The following SPTBN2 variants were observed in gnomAD, a reference collection of about 807,000 sequenced individuals.
SPTBN2 encodes spectrin beta chain, non-erythrocytic 2.
A neutral mutation model predicts 284.2 loss-of-function variants in SPTBN2; 107 were observed. That is an observed-to-expected ratio of 0.38 (90% confidence interval 0.32 to 0.44). The LOEUF is 0.44. SPTBN2 is among the 20% of genes least tolerant of loss of function. The probability of loss-of-function intolerance (pLI) is 1.00; values close to 1 mark genes in which losing one functional copy is unlikely to be tolerated. For synonymous variants in SPTBN2, 1,289 were observed against 1,354.8 expected, an observed-to-expected ratio of 0.95 and a Z score of 1.07; for missense variants, 2,569 against 3,287.1, an observed-to-expected ratio of 0.78 and a Z score of 5.34.
chr11:66,706,797 T>A lies in SPTBN2; in HGVS notation c.1653+719A>T, dbSNP rs1221548225. On this transcript the variant is annotated intron_variant, in intron 13 of 37. Coordinates refer to ENST00000533211, the MANE Select transcript of SPTBN2 (RefSeq NM_006946.4). Reference sequence around the variant, plus strand: ...GGCATGCGCTACCACCGCACCTGGTTAATTTCTGTATTTTTATAGACACGG... The same window carrying A: ...GGCATGCGCTACCACCGCACCTGGTAAATTTCTGTATTTTTATAGACACGG... Among the ~76,000 whole-genome samples the A allele has an allele frequency of 2.0e-5, 3 of 150,242 alleles. No individual in the cohort carries two copies. In the East Asian group the frequency reaches 6.0e-4, roughly 30 times the overall value.
chr11:66,743,417 C>T (rs1317373108), intron 1 of SPTBN2, among the ~76,000 whole-genome samples: 1 of 152,180 alleles, frequency 6.6e-6, no homozygotes, highest in East Asian at 1.9e-4. Flanking sequence ...TCTGTCCAAT[C>T]CTGGCGTCTT....
chr11:66,704,995 C>T lies in SPTBN2; in HGVS notation c.2281G>A (p.Ala761Thr). 6.2e-7 allele frequency: 1 copy of T among 1,606,024 alleles called. No individual in the cohort carries two copies. Among genetic ancestry groups the T allele is most frequent in the Non-Finnish European group, 8.5e-7 (1 of 1,179,834 alleles). The change falls in exon 15 of 38, where the codon GCC (alanine) becomes ACC (threonine). Residue 761 changes from alanine (A) to threonine (T), a missense_variant. Ala to Thr is a moderately conservative substitution (Grantham distance 58, BLOSUM62 0). This residue lies in a region of SPTBN2 where 1,012 missense variants were observed against 1,248.9 expected (regional missense o/e 0.81). Transcript: ENST00000533211. The part of the protein sequence containing the change: ...QFQADANDME[A>T]WLVDALRLVS... ...AGGCGCAGTGCGTCAACCAACCAGG[C>T]CTCCATGTCGTTTGCATCGGCCTGG...
chr11:66,698,771 G>A lies in SPTBN2; in HGVS notation c.3882C>T (p.Ile1294=), dbSNP rs1282021622. The A allele has an allele frequency of 3.1e-6, 5 of 1,613,760 alleles. 1 individual carries two copies. The South Asian group carries it at 4.4e-5, about 14-fold the overall frequency. The change falls in exon 20 of 38, where the codon ATC becomes ATT. Residue 1294 remains isoleucine (I), a synonymous_variant. Coordinates refer to ENST00000533211, the MANE Select transcript of SPTBN2 (RefSeq NM_006946.4). ...LQDCHELKLW[I]DEKMLTAQDV... is the part of the protein sequence containing the mutation. ...CCTGGGCTGTCAGCATCTTCTCGTC[G>A]ATCCAGAGCTTCAGCTGGACCAAAC...
chr11:66,686,345 G>A, intron 37 of SPTBN2, 53 bp downstream of exon 37: 1 of 1,608,280 alleles, frequency 6.2e-7, no homozygotes, highest in Non-Finnish European at 8.5e-7. Flanking sequence ...GGAGTCTGCA[G>A]CTGGAAGCTT....
chr11:66,718,928 G>T lies in SPTBN2; in HGVS notation c.157+2156C>A, dbSNP rs915279409. Reference sequence around the variant, plus strand: ...GGGCAGGGCCAGGCCCTGCGGGGCGGCGGAGGAGGGCACTGCCAGCGCCTT... The same window carrying T: ...GGGCAGGGCCAGGCCCTGCGGGGCGTCGGAGGAGGGCACTGCCAGCGCCTT... On this transcript the variant is annotated intron_variant, in intron 3 of 37. Coordinates refer to ENST00000533211, the MANE Select transcript of SPTBN2 (RefSeq NM_006946.4). The surrounding 1 kb of genome is among the most constrained non-coding windows in gnomAD (Gnocchi z 4.8). 8.5e-5 allele frequency among the ~76,000 whole-genome samples: 13 copies of T among 152,320 alleles called. No homozygotes were observed. The highest frequency in any genetic ancestry group is 3.1e-4 in the African/African-American group (13 of 41,560).
At position 66,684,527 on chromosome 11, in the gene SPTBN2, C is replaced by T. The variant is rs948604110; in HGVS notation, c.*1344G>A. Among the ~76,000 whole-genome samples, 4 of 150,438 alleles carry T rather than the reference C, an allele frequency of 2.7e-5. No individual in the cohort carries two copies. The highest frequency in any genetic ancestry group is 4.2e-4 in the South Asian group (2 of 4,758). Reference sequence around the variant, plus strand: ...GCATGTGCCTGTGGTTCAGGCTACTCGGGAGGCTGAGGTGGGAGGATTGCT... The same window carrying T: ...GCATGTGCCTGTGGTTCAGGCTACTTGGGAGGCTGAGGTGGGAGGATTGCT... On this transcript the variant is annotated 3_prime_UTR_variant, in exon 38 of 38. Coordinates refer to ENST00000533211, the MANE Select transcript of SPTBN2 (RefSeq NM_006946.4).
intron 3 of SPTBN2, among the ~76,000 whole-genome samples, chr11:66,717,189 C>G (rs1206929099): frequency 6.6e-6 from 1 of 152,036 alleles, no homozygotes; most frequent in African/African-American, 2.4e-5. Flanking sequence ...GCCCTGCTGC[C>G]CAGCCCACAG....
At position 66,698,726 on chromosome 11, in the gene SPTBN2, G is replaced by C; in HGVS notation, c.3927C>G (p.Ala1309=). The C allele has an allele frequency of 2.5e-6, 4 of 1,614,214 alleles. No homozygotes were observed. The highest frequency in any genetic ancestry group is 3.4e-6 in the Non-Finnish European group (4 of 1,180,042). Reference sequence around the variant, plus strand: ...TCTGCCACTTAGTATGCAGGTTGCGGGCCTCGTCATAGGACACGTCCTGGG... The same window carrying C: ...TCTGCCACTTAGTATGCAGGTTGCGCGCCTCGTCATAGGACACGTCCTGGG... ...LTAQDVSYDE[A]RNLHTKWQKH... Residue 1309 remains alanine (A), a synonymous_variant, in exon 20 of 38, where the codon GCC becomes GCG. Coordinates refer to ENST00000533211, the MANE Select transcript of SPTBN2 (RefSeq NM_006946.4).
At chr11:66,730,786 C>A (rs567823561), upstream of SPTBN2, among the ~76,000 whole-genome samples, 25 of 152,262 alleles carry the variant, frequency 1.6e-4, no homozygotes, top group African/African-American at 5.8e-4. Context: ...ATTTCATAAT[C>A]CTTCAAGAAG....
intron 29 of SPTBN2, among the ~76,000 whole-genome samples, 194 bp downstream of exon 29, chr11:66,689,611 A>G (rs1286086754): frequency 6.6e-6 from 1 of 152,152 alleles, no homozygotes; most frequent in Non-Finnish European, 1.5e-5. Flanking sequence ...GCCCAGGACC[A>G]GTGATTTCTG....
chr11:66,733,871 G>C (rs1007272288), upstream of SPTBN2, among the ~76,000 whole-genome samples: 3 of 151,800 alleles, frequency 2.0e-5, no homozygotes, highest in African/African-American at 7.3e-5. Context: ...CCAGCTACTC[G>C]GGAGGCTGAG....
intron 3 of SPTBN2, among the ~76,000 whole-genome samples, chr11:66,720,586 C>T (rs890271907): frequency 6.6e-6 from 1 of 152,074 alleles, no homozygotes; most frequent in African/African-American, 2.4e-5. Context: ...TGGAGGGAAC[C>T]TGCTTCAGGG....
intron 26 of SPTBN2, among the ~76,000 whole-genome samples, chr11:66,692,008 A>T (rs906806322): frequency 6.6e-6 from 1 of 152,148 alleles, no homozygotes; most frequent in Non-Finnish European, 1.5e-5. Context: ...TCTGTTGAAA[A>T]GTGTGAGTGA....
At chr11:66,711,244 A>G (rs1308603135) in intron 8 of SPTBN2, among the ~76,000 whole-genome samples, 1 of 152,218 alleles carries the variant, frequency 6.6e-6, no homozygotes, top group Admixed American at 6.5e-5. Flanking sequence ...CCCTCCAAGC[A>G]GAGCACAAAC....
In SPTBN2 at chr11:66,708,445, C is replaced by G; in HGVS notation, c.1192-146G>C. Reference sequence around the variant, plus strand: ...GACGCCTGGGCGTGGAAACAGGAAACAGGGCAGCGCTGGGAGTCTGTGAAG... The same window carrying G: ...GACGCCTGGGCGTGGAAACAGGAAAGAGGGCAGCGCTGGGAGTCTGTGAAG... On this transcript the variant is annotated intron_variant, in intron 11 of 37. Coordinates refer to ENST00000533211, the MANE Select transcript of SPTBN2 (RefSeq NM_006946.4). The surrounding 1 kb of genome is among the most constrained non-coding windows in gnomAD (Gnocchi z 4.4). 1 of 825,064 alleles carries G rather than the reference C, an allele frequency of 1.2e-6. No individual in the cohort carries two copies. 51.1% of individuals were successfully genotyped at this position (825,064 alleles called of 1,614,324 possible). A position where few individuals can be genotyped will look rare whatever the true frequency, so the allele number is the denominator to read the frequency against.
chr11:66,693,425 C>A lies in SPTBN2; in HGVS notation c.4615G>T (p.Gly1539Cys), dbSNP rs773607910. The A allele has an allele frequency of 6.9e-6, 11 of 1,599,544 alleles. No homozygotes were observed. The highest frequency in any genetic ancestry group is 9.3e-6 in the Non-Finnish European group (11 of 1,179,760). ...KNQTLQKEIQ[G>C]HEPRIADLRE... ...AGGTCCGCGATCCGGGGCTCATGGC[C>A]CTGAATCTCTTTCTGCAGGGTCTGC... The change falls in exon 24 of 38, where the codon GGC becomes TGC. Residue 1539 changes from glycine to cysteine, a missense_variant. Transcript: ENST00000533211. This position sits in a 1 kb window ranked among gnomAD's most constrained non-coding sequence, Gnocchi z 5.7.
At chr11:66,735,787 C>A (rs1942847657) in intron 1 of SPTBN2, among the ~76,000 whole-genome samples, 1 of 152,122 alleles carries the variant, frequency 6.6e-6, no homozygotes, top group Admixed American at 6.6e-5. Flanking sequence ...CTCAAAATGT[C>A]AGATTGCGTT....
intron 37 of SPTBN2, 119 bp from the exon 38 acceptor site, chr11:66,686,223 G>T (rs769117847): frequency 4.3e-6 from 6 of 1,384,862 alleles, no homozygotes; most frequent in Non-Finnish European, 5.1e-6. Flanking sequence ...CATGCTATTA[G>T]GAGAATGTGG....
In SPTBN2 at chr11:66,691,425, G is replaced by C. The variant is rs113551867; in HGVS notation, c.5424C>G (p.His1808Gln). 3 of 1,612,304 alleles carry C rather than the reference G, an allele frequency of 1.9e-6. No homozygotes were observed. In the East Asian group the frequency reaches 6.7e-5, roughly 36 times the overall value. The change falls in exon 27 of 38, where the codon CAC becomes CAG. Residue 1808 changes from histidine (H) to glutamine (Q), a missense_variant. Physicochemically the swap from His to Gln is conservative, Grantham distance 24 (BLOSUM62 0). Coordinates refer to ENST00000533211, the MANE Select transcript of SPTBN2 (RefSeq NM_006946.4). The surrounding 1 kb of genome is among the most constrained non-coding windows in gnomAD (Gnocchi z 8.0). ...CCCGCGCCAGGGCTTGGCGTGCCCC[G>C]TGCAGGAAGCGCTGCAGCTCGTACG... ...AAAYELQRFL[H>Q]GARQALARVQ...
Sources: allele counts gnomAD v4.1 joint callset (sites outside exome capture counted in the v4.1 genomes callset), GRCh38; gene constraint gnomAD v4.1.1; regional missense constraint gnomAD v4.1.1; non-coding constraint Gnocchi (gnomAD v3.1); transcripts MANE v1.5; gene names NCBI Gene and HGNC (gene_info 2026-07-23, HGNC 2026-07-21).